Variants in GFRAL observed in about 807,000 individuals in gnomAD.
GFRAL encodes the protein GDNF family receptor alpha-like.
A neutral mutation model predicts 45.4 loss-of-function variants in GFRAL; 36 were observed. The ratio of observed to expected loss-of-function variants is 0.79; its 90% CI spans 0.61 to 1.05. The LOEUF (loss-of-function observed/expected upper bound fraction) is 1.05. Ranked by LOEUF, GFRAL falls within the 50% of genes least tolerant of loss-of-function variation. The probability of loss-of-function intolerance (pLI) is 0.00; values close to 1 mark genes in which losing one functional copy is unlikely to be tolerated. For missense variants in GFRAL, 507 were observed against 467.5 expected, an observed-to-expected ratio of 1.08 and a Z score of -0.78; for synonymous variants, 166 against 154.1, an observed-to-expected ratio of 1.08 and a Z score of -0.57.
At chr6:55,338,955 A>C (rs1767925737) in intron 3 of GFRAL, among the ~76,000 whole-genome samples, 1 of 152,170 alleles carries the variant, frequency 6.6e-6, no homozygotes, top group South Asian at 2.1e-4. Flanking sequence ...TATCACAGGC[A>C]ATAACGTAGA....
chr6:55,366,184 G>A (rs535096455), intron 6 of GFRAL, among the ~76,000 whole-genome samples: 9,453 of 151,476 alleles, frequency 0.062, 372 homozygotes, highest in African/African-American at 0.1. Context: ...TGTATGTGTC[G>A]AGGAATTTAT....
chr6:55,336,406 C>A (rs866143683), intron 3 of GFRAL, among the ~76,000 whole-genome samples: 1 of 152,180 alleles, frequency 6.6e-6, no homozygotes, highest in Admixed American at 6.5e-5. Context: ...TTTATAACTT[C>A]ATTGATGTAG....
At chr6:55,365,899 C>A (rs1768355328) in intron 6 of GFRAL, among the ~76,000 whole-genome samples, 1 of 146,050 alleles carries the variant, frequency 6.8e-6, no homozygotes, top group South Asian at 2.2e-4. Flanking sequence ...GTCTAAAATT[C>A]TCTTTTTTTG....
chr6:55,390,891 C>T (rs367603954), intron 6 of GFRAL, among the ~76,000 whole-genome samples: 1 of 84,152 alleles, frequency 1.2e-5, no homozygotes, highest in Non-Finnish European at 2.1e-5. Context: ...CCATCTCACA[C>T]ACATACACAC....
At chr6:55,377,782 A>G (rs4449633) in intron 6 of GFRAL, among the ~76,000 whole-genome samples, 17,008 of 151,902 alleles carry the variant, frequency 0.11, 1,036 homozygotes, top group African/African-American at 0.16. Flanking sequence ...ATACTGAAAG[A>G]TCCAAAATTA....
chr6:55,372,359 A>G (rs1326842222), intron 6 of GFRAL, among the ~76,000 whole-genome samples: 1 of 152,182 alleles, frequency 6.6e-6, no homozygotes, highest in Non-Finnish European at 1.5e-5. Flanking sequence ...CTTTTCTAAG[A>G]TTCCAACCCA....
intron 6 of GFRAL, among the ~76,000 whole-genome samples, chr6:55,366,110 A>T (rs1408657593): frequency 2.6e-5 from 4 of 151,886 alleles, no homozygotes; most frequent in Non-Finnish European, 5.9e-5. Context: ...TATTGCCACA[A>T]TTTCAGCTCC....
At chr6:55,364,565 GT>G (rs1363044124) in intron 6 of GFRAL, among the ~76,000 whole-genome samples, 1 of 145,964 alleles carries the variant, frequency 6.9e-6, no homozygotes, top group African/African-American at 2.6e-5. Flanking sequence ...GGTTTTTATG[GT>G]TTTAGGTCTA....
intron 6 of GFRAL, among the ~76,000 whole-genome samples, chr6:55,360,814 T>C (rs1562056037): frequency 1.3e-5 from 2 of 152,030 alleles, no homozygotes; most frequent in East Asian, 1.9e-4. Context: ...CTTATAGTAA[T>C]ATATACAGTT....
At chr6:55,378,501 G>T (rs1406075090) in intron 6 of GFRAL, among the ~76,000 whole-genome samples, 2 of 151,842 alleles carry the variant, frequency 1.3e-5, no homozygotes, top group Non-Finnish European at 2.9e-5. Context: ...ATGCATAGCT[G>T]CCATCCTTGC....
At position 55,339,256 on chromosome 6, in the gene GFRAL, C is replaced by T. The variant is rs192500268; in HGVS notation, c.316+5312C>T. Among the ~76,000 whole-genome samples the T allele has an allele frequency of 3.6e-3, 547 of 151,914 alleles. 6 individuals carry two copies. The highest frequency in any genetic ancestry group is 9.8e-3 in the African/African-American group (407 of 41,428). The stretch of plus-strand genomic sequence containing the variant: ...ATGAAAAATTGTACAGGACTGGGGA[C>T]GAAAGTGATGAGTTGTATTCTGAAA... On this transcript the variant is annotated intron_variant, in intron 3 of 8. Transcript: ENST00000340465.
Position 55,351,475 on chromosome 6 carries a change from G to T in GFRAL, c.593G>T (p.Cys198Phe). ...FCDCAQSDIP[C>F]QQSKEALHSK... ...GACTGTGCTCAATCTGATATACCTT[G>T]TCAGCAGTCCAAAGAAGCTCTTCAC... The change falls in exon 5 of 9, where the codon TGT becomes TTT. Residue 198 changes from cysteine (C) to phenylalanine (F), a missense_variant. Physicochemically the swap from Cys to Phe is radical, Grantham distance 205. Transcript: ENST00000340465. The T allele has an allele frequency of 1.9e-6, 3 of 1,613,544 alleles. No homozygotes were observed. Among genetic ancestry groups the T allele is most frequent in the Non-Finnish European group, 2.5e-6 (3 of 1,179,670 alleles).
At chr6:55,335,921 T>TTTA (rs1767885110) in intron 3 of GFRAL, among the ~76,000 whole-genome samples, 1 of 151,504 alleles carries the variant, frequency 6.6e-6, no homozygotes, top group Admixed American at 6.6e-5. Context: ...TTTATTTTAT[T>TTTA]TTATTTTATT....
intron 6 of GFRAL, among the ~76,000 whole-genome samples, chr6:55,395,552 C>T (rs1768813977): frequency 6.6e-6 from 1 of 151,632 alleles, no homozygotes; most frequent in Admixed American, 6.6e-5. Flanking sequence ...ACTGACTCTT[C>T]TAAATGTTGC....
At chr6:55,385,841 C>T (rs551619464) in intron 6 of GFRAL, among the ~76,000 whole-genome samples, 1 of 152,154 alleles carries the variant, frequency 6.6e-6, no homozygotes, top group African/African-American at 2.4e-5. Context: ...TAGTTATCTT[C>T]TCCCTAGAGC....
chr6:55,359,061 C>G lies in GFRAL; in HGVS notation c.875C>G (p.Thr292Ser). Residue 292 changes from threonine to serine, a missense_variant, in exon 6 of 9, where the codon ACC (threonine) becomes AGC (serine). Coordinates refer to ENST00000340465, the MANE Select transcript of GFRAL (RefSeq NM_207410.2). ...ILGTVLQVQC[T>S]CRTITQSEES... Reference sequence around the variant, plus strand: ...GGGACGGTCCTTCAAGTGCAATGTACCTGTAGGACCATTACACAAAGTGAG... The same window carrying G: ...GGGACGGTCCTTCAAGTGCAATGTAGCTGTAGGACCATTACACAAAGTGAG... 6.2e-7 allele frequency: 1 copy of G among 1,612,576 alleles called. No individual in the cohort carries two copies. The highest frequency in any genetic ancestry group is 2.2e-5 in the East Asian group (1 of 44,820).
At chr6:55,368,894 T>G (rs1274290494) in intron 6 of GFRAL, among the ~76,000 whole-genome samples, 2 of 150,938 alleles carry the variant, frequency 1.3e-5, no homozygotes, top group Non-Finnish European at 2.9e-5. Flanking sequence ...GCTGTCTTTT[T>G]GTTTGTCTGT....
In GFRAL at chr6:55,327,541, G is replaced by GT; in HGVS notation, c.-13dup. 1 of 1,612,610 alleles carries GT rather than the reference G, an allele frequency of 6.2e-7. No homozygotes were observed. Among genetic ancestry groups the GT allele is most frequent in the Non-Finnish European group, 8.5e-7 (1 of 1,179,042 alleles). Reference sequence around the variant, plus strand: ...TGCCTTTTTTTCCAGGTGAACTGCCGTGAGTTGTCCAGCATGATAGTGTTT... The same window carrying GT: ...TGCCTTTTTTTCCAGGTGAACTGCCGTTGAGTTGTCCAGCATGATAGTGTTT... On this transcript the variant is annotated 5_prime_UTR_variant, in exon 1 of 9. Transcript: ENST00000340465.
intron 6 of GFRAL, among the ~76,000 whole-genome samples, chr6:55,376,062 C>G (rs1047332232): frequency 6.6e-6 from 1 of 152,034 alleles, no homozygotes; most frequent in South Asian, 2.1e-4. Context: ...GAGTTTTTAA[C>G]ATGAAGCGAT....
Sources: gnomAD v4.1 joint callset for allele counts (sites outside exome capture counted in the v4.1 genomes callset) on GRCh38, gnomAD v4.1.1 for gene constraint, MANE v1.5 for transcripts, NCBI Gene and HGNC (gene_info 2026-07-23, HGNC 2026-07-21) for gene names.